Variants in ZNF446 observed in about 807,000 individuals in gnomAD.
The protein encoded by ZNF446 is zinc finger protein 446, also known as zinc finger protein with KRAB and SCAN domains 20.
In ZNF446, 42 loss-of-function variants were observed where a neutral mutation model predicts 34.0. The ratio of observed to expected loss-of-function variants is 1.23; its 90% CI spans 0.96 to 1.60. The LOEUF (loss-of-function observed/expected upper bound fraction) is 1.60, where lower values mean the gene tolerates loss of function less well. ZNF446 is among the 40% of genes most tolerant of loss of function. The probability of loss-of-function intolerance (pLI) is 0.00; values close to 1 mark genes in which losing one functional copy is unlikely to be tolerated. For synonymous variants in ZNF446, 315 were observed against 251.0 expected, an observed-to-expected ratio of 1.25 and a Z score of -2.41; for missense variants, 650 against 600.2, an observed-to-expected ratio of 1.08 and a Z score of -0.87.
In ZNF446 at chr19:58,477,707, C is replaced by T; in HGVS notation, c.413C>T (p.Pro138Leu). 3.1e-6 allele frequency: 5 copies of T among 1,613,880 alleles called. No individual in the cohort carries two copies. Among genetic ancestry groups the T allele is most frequent in the Non-Finnish European group, 4.2e-6 (5 of 1,180,022 alleles). ...AAGACAGAGGAACCACTTGGGAGCC[C>T]CCACCCCTCAGGGACAGTGGAGTCC... The part of the protein sequence containing the change: ...AQKTEEPLGS[P>L]HPSGTVESPG... The change falls in exon 3 of 7, where the codon CCC becomes CTC. Residue 138 changes from proline (P) to leucine (L), a missense_variant. Coordinates refer to ENST00000594369, the MANE Select transcript of ZNF446 (RefSeq NM_017908.4).
rs576331803 is a variant in ZNF446 at position 58,478,656 on chromosome 19, T to C, written c.627+475T>C. ...TCCAGCCTGGTCAACAAGAGCAAAA[T>C]TGTGTGTCAAAAACAAAAAAAAAAA... On this transcript the variant is annotated intron_variant, in intron 4 of 6. Transcript: ENST00000594369. Among the ~76,000 whole-genome samples the C allele has an allele frequency of 7.9e-5, 12 of 151,028 alleles. No homozygotes were observed. The East Asian group carries it at 1.2e-3, about 15-fold the overall frequency.
In ZNF446 at chr19:58,481,044, C is replaced by T. The variant is rs1474259311; in HGVS notation, c.*318C>T. On this transcript the variant is annotated 3_prime_UTR_variant, in exon 7 of 7. Transcript: ENST00000594369. The stretch of plus-strand genomic sequence containing the variant: ...ACATGGCCTGGGCTGACAACACTCC[C>T]TCTCCTGGGACCTCCTTGCCTCAGG... 1 of 367,580 alleles carries T rather than the reference C, an allele frequency of 2.7e-6. No individual in the cohort carries two copies. Among genetic ancestry groups the T allele is most frequent in the Non-Finnish European group, 5.0e-6 (1 of 198,164 alleles). The allele number at this position is 367,580 out of a possible 1,614,324, so 22.8% of individuals were successfully genotyped here. A position where few individuals can be genotyped will look rare whatever the true frequency, so the allele number is the denominator to read the frequency against.
Position 58,477,409 on chromosome 19 carries a change from A to T in ZNF446, c.191A>T (p.Gln64Leu), listed in dbSNP as rs2053097374. The change falls in exon 2 of 7, where the codon CAG becomes CTG. Residue 64 changes from glutamine to leucine, a missense_variant. Coordinates refer to ENST00000594369, the MANE Select transcript of ZNF446 (RefSeq NM_017908.4). ...WLQPEAHSKEQMLEMLVLEQF... is the reference protein window; with the variant it reads ...WLQPEAHSKELMLEMLVLEQF... The stretch of plus-strand genomic sequence containing the variant: ...CAGCCTGAGGCACACTCCAAGGAGC[A>T]GATGCTGGAGATGCTGGTGCTGGAG... 1 of 1,613,380 alleles carries T rather than the reference A, an allele frequency of 6.2e-7. No homozygotes were observed. Among genetic ancestry groups the T allele is most frequent in the Non-Finnish European group, 8.5e-7 (1 of 1,180,008 alleles).
In ZNF446 at chr19:58,477,299, C is replaced by G; in HGVS notation, c.81C>G (p.Leu27=). The G allele has an allele frequency of 6.2e-7, 1 of 1,613,020 alleles. No homozygotes were observed. The highest frequency in any genetic ancestry group is 1.1e-5 in the South Asian group (1 of 91,070). The change falls in exon 2 of 7, where the codon CTC becomes CTG. Residue 27 remains leucine, a synonymous_variant. Transcript: ENST00000594369. The part of the protein sequence containing the change: ...TTLEEPETAR[L]RFRGFCYQEV... The stretch of plus-strand genomic sequence containing the variant: ...TTGAGGAGCCTGAGACTGCCCGCCT[C>G]CGCTTCCGAGGGTTCTGCTACCAGG...
chr19:58,479,491 T>C (rs1568617734), intron 4 of ZNF446, 152 bp from the exon 5 acceptor site: 4 of 771,446 alleles, frequency 5.2e-6, no homozygotes, highest in Non-Finnish European at 2.1e-6. Context: ...CCTCTGCACT[T>C]AACAAACACA....
chr19:58,483,905 C>T (rs2053155756), downstream of ZNF446: 1 of 152,158 alleles, frequency 6.6e-6, no homozygotes, highest in Admixed American at 6.5e-5. Flanking sequence ...ACCATCATTT[C>T]TACCAAGACC....
rs1289626177 is a variant in ZNF446 at position 58,480,716 on chromosome 19, A to G, written c.1343A>G (p.Glu448Gly). The change falls in exon 7 of 7, where the codon GAG (glutamate) becomes GGG (glycine). Residue 448 changes from glutamate (E) to glycine (G), a missense_variant. Transcript: ENST00000594369. The surrounding 1 kb of genome is among the most constrained non-coding windows in gnomAD (Gnocchi z 7.2). ...LVIHRKGHRP[E>G]VP ...ATCCACCGCAAGGGCCACCGGCCGG[A>G]GGTTCCATGAGCAGCCAGACAGCAC... 6.2e-7 allele frequency: 1 copy of G among 1,603,188 alleles called. No homozygotes were observed. Among genetic ancestry groups the G allele is most frequent in the Admixed American group, 1.7e-5 (1 of 59,984 alleles).
chr19:58,479,157 A>G (rs1226306317), intron 4 of ZNF446, among the ~76,000 whole-genome samples: 1 of 152,118 alleles, frequency 6.6e-6, no homozygotes, highest in African/African-American at 2.4e-5. Flanking sequence ...ACAGTCAGAA[A>G]GTGAGGCAGG....
In ZNF446 at chr19:58,477,386, G is replaced by C; in HGVS notation, c.168G>C (p.Gln56His). 6.2e-7 allele frequency: 1 copy of C among 1,613,330 alleles called. No homozygotes were observed. Among genetic ancestry groups the C allele is most frequent in the Non-Finnish European group, 8.5e-7 (1 of 1,180,016 alleles). The change falls in exon 2 of 7, where the codon CAG (glutamine) becomes CAC (histidine). Residue 56 changes from glutamine to histidine, a missense_variant. By Grantham distance (24) the Gln-to-His change is conservative. Transcript: ENST00000594369. The stretch of plus-strand genomic sequence containing the variant: ...GTGAGCTGTGTTGCCAGTGGCTGCA[G>C]CCTGAGGCACACTCCAAGGAGCAGA... ...RLRELCCQWL[Q>H]PEAHSKEQML... is the part of the protein sequence containing the mutation.
At chr19:58,478,667 A>C (rs1295330045) in intron 4 of ZNF446, among the ~76,000 whole-genome samples, 1 of 151,778 alleles carries the variant, frequency 6.6e-6, no homozygotes, top group Non-Finnish European at 1.5e-5. Flanking sequence ...TGTGTGTCAA[A>C]AACAAAAAAA....
Position 58,481,028 on chromosome 19 carries a change from G to A in ZNF446, c.*302G>A, listed in dbSNP as rs2053136326. ...TCCCTCCCTCCCTGTGACATGGCCT[G>A]GGCTGACAACACTCCCTCTCCTGGG... is the stretch of plus-strand genomic sequence containing the variant. On this transcript the variant is annotated 3_prime_UTR_variant, in exon 7 of 7. Coordinates refer to ENST00000594369, the MANE Select transcript of ZNF446 (RefSeq NM_017908.4). 1 of 414,582 alleles carries A rather than the reference G, an allele frequency of 2.4e-6. No individual in the cohort carries two copies. Among genetic ancestry groups the A allele is most frequent in the Non-Finnish European group, 4.4e-6 (1 of 226,022 alleles). The allele number at this position is 414,582 out of a possible 1,614,324, so 25.7% of individuals were successfully genotyped here. A position where few individuals can be genotyped will look rare whatever the true frequency, so the allele number is the denominator to read the frequency against.
Position 58,477,275 on chromosome 19 carries a change from T to G in ZNF446, c.57T>G (p.Leu19=), listed in dbSNP as rs1453930592. ...CCGTCATGGACCCAGAGACCACCCT[T>G]GAGGAGCCTGAGACTGCCCGCCTCC... is the stretch of plus-strand genomic sequence containing the variant. ...CLPVMDPETT[L]EEPETARLRF... Residue 19 remains leucine, a synonymous_variant, in exon 2 of 7, where the codon CTT becomes CTG. Coordinates refer to ENST00000594369, the MANE Select transcript of ZNF446 (RefSeq NM_017908.4). The G allele has an allele frequency of 1.9e-6, 3 of 1,610,900 alleles. No individual in the cohort carries two copies. Among genetic ancestry groups the G allele is most frequent in the South Asian group, 2.2e-5 (2 of 90,846 alleles).
chr19:58,480,030 CA>C lies in ZNF446; in HGVS notation c.802+12del, dbSNP rs770374702. 1 of 1,575,626 alleles carries C rather than the reference CA, an allele frequency of 6.3e-7. No homozygotes were observed. ...GAAGCCTGCGCTCGGGTGAGTGCCC[CA>C]CACCATCCAGCCTGAATCACCCCTC... On this transcript the variant is annotated intron_variant, in intron 6 of 6. Transcript: ENST00000594369. The surrounding 1 kb of genome is among the most constrained non-coding windows in gnomAD (Gnocchi z 7.2).
chr19:58,489,514 C>T, the ZNF446 span, among the ~76,000 whole-genome samples: 1 of 152,172 alleles, frequency 6.6e-6, no homozygotes, highest in Admixed American at 6.6e-5. Flanking sequence ...TGAGTGATAA[C>T]AAAACCCTTG....
chr19:58,487,347 C>T, the ZNF446 span, among the ~76,000 whole-genome samples: 6 of 152,156 alleles, frequency 3.9e-5, no homozygotes, highest in African/African-American at 9.7e-5. Flanking sequence ...CTCCTAGTCT[C>T]GAGCAATCTG....
At chr19:58,478,270 CCTT>C in intron 4 of ZNF446, 89 bp downstream of exon 4, 1 of 1,234,964 alleles carries the variant, frequency 8.1e-7, no homozygotes, top group Non-Finnish European at 1.1e-6. Context: ...TTTCCAGGCT[CCTT>C]GACTAGTGGC....
chr19:58,489,112 G>C, the ZNF446 span, among the ~76,000 whole-genome samples: 1 of 152,182 alleles, frequency 6.6e-6, no homozygotes, highest in East Asian at 1.9e-4. Context: ...AAAACACAGA[G>C]GATAACAGCC....
At chr19:58,476,914 G>T (rs2053091379) in intron 1 of ZNF446, among the ~76,000 whole-genome samples, 1 of 152,128 alleles carries the variant, frequency 6.6e-6, no homozygotes, top group African/African-American at 2.4e-5. Flanking sequence ...GCAGTCCCCT[G>T]CTGGACCCAA....
rs2122440000 is a variant in ZNF446 at position 58,477,471 on chromosome 19, T to C, written c.253T>C (p.Trp85Arg). The change falls in exon 2 of 7, where the codon TGG (tryptophan) becomes CGG (arginine). Residue 85 changes from tryptophan to arginine, a missense_variant. Trp to Arg is a moderately radical substitution (Grantham distance 101). Coordinates refer to ENST00000594369, the MANE Select transcript of ZNF446 (RefSeq NM_017908.4). ...CACACTGCCTCCCGAGATCCAGGCCTGGGTGCGCGGTCAGCGGCCAGGCAG... is the reference window on the plus strand; with the variant it reads ...CACACTGCCTCCCGAGATCCAGGCCCGGGTGCGCGGTCAGCGGCCAGGCAG... ...LGTLPPEIQAWVRGQRPGSPE... is the reference protein window; with the variant it reads ...LGTLPPEIQARVRGQRPGSPE... The C allele has an allele frequency of 6.2e-7, 1 of 1,613,582 alleles. No individual in the cohort carries two copies. The highest frequency in any genetic ancestry group is 8.5e-7 in the Non-Finnish European group (1 of 1,179,996).
Sources: allele counts gnomAD v4.1 joint callset (sites outside exome capture counted in the v4.1 genomes callset), GRCh38; gene constraint gnomAD v4.1.1; non-coding constraint Gnocchi (gnomAD v3.1); transcripts MANE v1.5; gene names NCBI Gene and HGNC (gene_info 2026-07-23, HGNC 2026-07-21).